Variants in HS6ST2 observed in about 807,000 individuals in gnomAD.
The protein encoded by HS6ST2 is heparan-sulfate 6-O-sulfotransferase 2.
HS6ST2 carries 17 observed loss-of-function variants against 33.0 expected under a neutral mutation model. That is an observed-to-expected ratio of 0.52 (90% CI 0.35 to 0.77). The LOEUF (loss-of-function observed/expected upper bound fraction) is 0.77, where lower values mean the gene tolerates loss of function less well. Among genes scored for constraint, HS6ST2 ranks in the 30% least tolerant of loss-of-function variants. The pLI, the probability that HS6ST2 is intolerant of heterozygous loss-of-function variation, is 0.01. For synonymous variants in HS6ST2, 248 were observed against 237.1 expected, an observed-to-expected ratio of 1.05 and a Z score of -0.42; for missense variants, 519 against 551.7, an observed-to-expected ratio of 0.94 and a Z score of 0.59.
chrX:132,865,499 G>A (rs1236626837), intron 2 of HS6ST2, among the ~76,000 whole-genome samples: 26 of 109,995 alleles, frequency 2.4e-4, no homozygotes, highest in Non-Finnish European at 4.4e-4. Context: ...ACCCAGTAAT[G>A]GGATGGCTGG....
intron 2 of HS6ST2, among the ~76,000 whole-genome samples, chrX:132,784,929 C>A (rs1043506633): frequency 9.0e-6 from 1 of 111,628 alleles, no homozygotes; most frequent in African/African-American, 3.3e-5. Flanking sequence ...AGAATCTGTC[C>A]TTTTCTGTCC....
chrX:132,765,418 A>ATGTG (rs35292964), intron 2 of HS6ST2, among the ~76,000 whole-genome samples: 109 of 108,493 alleles, frequency 1.0e-3, no homozygotes, highest in East Asian at 2.3e-3. Context: ...GTGTGTGTGC[A>ATGTG]TGTGTGTGTG....
chrX:132,683,139 A>C (rs751893276), intron 3 of HS6ST2, among the ~76,000 whole-genome samples: 28 of 110,337 alleles, frequency 2.5e-4, no homozygotes, highest in Non-Finnish European at 3.8e-5. Flanking sequence ...CAATCAATCG[A>C]GGTAAACAAT....
rs950522549 is a variant in HS6ST2 at position 132,695,340 on chromosome X, C to T, written c.980+13122G>A. Among the ~76,000 whole-genome samples the T allele has an allele frequency of 2.7e-5, 3 of 111,873 alleles. No homozygotes were observed. In the Admixed American group the frequency reaches 2.8e-4, roughly 11 times the overall value. On this transcript the variant is annotated intron_variant, in intron 3 of 4. Transcript: ENST00000370833. ...TGTTATCCTAATGCACTATCTTTCT[C>T]TAAGGAAACACAATTTTGATGGAGT...
At chrX:132,689,939 A>T (rs1413285483) in intron 3 of HS6ST2, among the ~76,000 whole-genome samples, 1 of 110,428 alleles carries the variant, frequency 9.1e-6, no homozygotes, top group Non-Finnish European at 1.9e-5. Flanking sequence ...TTTTATGTGT[A>T]GCCCAAGACA....
chrX:132,786,514 T>C (rs1198743864), intron 2 of HS6ST2, among the ~76,000 whole-genome samples: 1 of 111,920 alleles, frequency 8.9e-6, no homozygotes, highest in Admixed American at 9.5e-5. Flanking sequence ...GCAATTACCT[T>C]TGCACCATCC....
chrX:132,669,749 C>CA (rs2148204523), intron 3 of HS6ST2: 1 of 59,274 alleles, frequency 1.7e-5, no homozygotes, highest in Non-Finnish European at 3.7e-5. Flanking sequence ...CCACCTGCTT[C>CA]ATAGTAATTG....
chrX:132,836,885 A>T (rs2065648578), intron 2 of HS6ST2, among the ~76,000 whole-genome samples: 1 of 112,130 alleles, frequency 8.9e-6, no homozygotes, highest in Non-Finnish European at 1.9e-5. Flanking sequence ...GTCAGAATAA[A>T]TAAAGCCTCT....
intron 2 of HS6ST2, among the ~76,000 whole-genome samples, chrX:132,724,096 C>T (rs1015223963): frequency 7.2e-5 from 8 of 111,150 alleles, no homozygotes; most frequent in African/African-American, 2.6e-4. Context: ...TGAGATCGTG[C>T]CACTGCACTC....
At chrX:132,921,421 C>T (rs2066649563) in intron 2 of HS6ST2, among the ~76,000 whole-genome samples, 1 of 112,155 alleles carries the variant, frequency 8.9e-6, no homozygotes, top group South Asian at 3.7e-4. Context: ...TGTGCCATCC[C>T]CTGAAAGACA....
intron 2 of HS6ST2, among the ~76,000 whole-genome samples, chrX:132,875,271 AGG>A (rs2066099598): frequency 9.0e-6 from 1 of 111,529 alleles, no homozygotes; most frequent in African/African-American, 3.3e-5. Flanking sequence ...GTGAGCGAAA[AGG>A]GCAAACTGAT....
At chrX:132,746,948 G>A (rs760343483) in intron 2 of HS6ST2, among the ~76,000 whole-genome samples, 293 of 111,896 alleles carry the variant, frequency 2.6e-3, no homozygotes, top group Non-Finnish European at 4.6e-3. Flanking sequence ...AATTCACCGA[G>A]GAAACAAGAG....
intron 2 of HS6ST2, among the ~76,000 whole-genome samples, chrX:132,935,443 A>G (rs767963023): frequency 1.8e-5 from 2 of 111,234 alleles, no homozygotes; most frequent in Non-Finnish European, 3.8e-5. Context: ...GCTCACTGCA[A>G]CCTCCACCTC....
intron 2 of HS6ST2, among the ~76,000 whole-genome samples, chrX:132,848,637 A>G (rs967456228): frequency 7.2e-5 from 8 of 111,879 alleles, no homozygotes; most frequent in Non-Finnish European, 1.5e-4. Context: ...AGAGCCCAGA[A>G]TATACTGCTT....
intron 2 of HS6ST2, among the ~76,000 whole-genome samples, chrX:132,902,213 C>T (rs2066432223): frequency 9.1e-6 from 1 of 110,458 alleles, no homozygotes; most frequent in South Asian, 3.9e-4. Flanking sequence ...GCAATCCTCC[C>T]ACCTCAGCCT....
intron 2 of HS6ST2, among the ~76,000 whole-genome samples, chrX:132,885,688 C>T (rs2066243419): frequency 9.0e-6 from 1 of 110,726 alleles, no homozygotes; most frequent in South Asian, 3.8e-4. Context: ...GCAACTCTAC[C>T]AAACACAGAC....
intron 2 of HS6ST2, among the ~76,000 whole-genome samples, chrX:132,919,910 CAG>C (rs2066633736): frequency 8.9e-6 from 1 of 112,081 alleles, no homozygotes; most frequent in Admixed American, 9.5e-5. Context: ...CACTTCTCTC[CAG>C]AGAGAGCCAG....
chrX:132,629,343 C>T (rs2148594456), intron 4 of HS6ST2, among the ~76,000 whole-genome samples: 1 of 111,746 alleles, frequency 8.9e-6, no homozygotes, highest in East Asian at 2.8e-4. Context: ...AGGTTAGATT[C>T]CAGACATTGA....
rs1035148167 is a variant in HS6ST2, at chrX:132,741,179, A to G, written c.948-32685T>C. 5.3e-5 allele frequency among the ~76,000 whole-genome samples: 6 copies of G among 112,195 alleles called. No homozygotes were observed. The East Asian group carries it at 1.1e-3, about 21-fold the overall frequency. On this transcript the variant is annotated intron_variant, in intron 2 of 4. Coordinates refer to ENST00000370833, the MANE Select transcript of HS6ST2 (RefSeq NM_001394073.1). ...GCTGCGCCGGCAAAGCCATTCAGAA[A>G]AGCAGTGCCACAGTTCCTGGGAGCA...
Sources: allele counts gnomAD v4.1 joint callset (sites outside exome capture counted in the v4.1 genomes callset), GRCh38; gene constraint gnomAD v4.1.1; transcripts MANE v1.5; gene names NCBI Gene and HGNC (gene_info 2026-07-23, HGNC 2026-07-21).